The following NLRP3 variants were observed in gnomAD, a reference collection of about 807,000 sequenced individuals.
The protein encoded by NLRP3 is NLR family pyrin domain containing 3.
A neutral mutation model predicts 91.3 loss-of-function variants in NLRP3; 48 were observed. The observed-to-expected ratio is 0.53, with a 90% confidence interval of 0.42 to 0.67. NLRP3 has a LOEUF of 0.67. Among genes scored for constraint, NLRP3 ranks in the 30% least tolerant of loss-of-function variants. NLRP3 has a pLI of 0.00. For missense variants in NLRP3, 982 were observed against 1,276.9 expected, an observed-to-expected ratio of 0.77 and a Z score of 3.52; for synonymous variants, 561 against 507.9, an observed-to-expected ratio of 1.10 and a Z score of -1.41.
chr1:247,419,164 A>ATATATTT, intron 2 of NLRP3, 87 bp downstream of exon 2: 4 of 692,532 alleles, frequency 5.8e-6, no homozygotes, highest in Non-Finnish European at 7.4e-6. Context: ...ATATATATAT[A>ATATATTT]TTTTTTTTTG....
At chr1:247,434,006 G>C in intron 5 of NLRP3, 97 bp from the exon 6 acceptor site, 1 of 911,454 alleles carries the variant, frequency 1.1e-6, no homozygotes. Context: ...CTCTATTCCG[G>C]AGCTTCCTGA....
In NLRP3 at chr1:247,436,096, A is replaced by G; in HGVS notation, c.2619A>G (p.Leu873=). The G allele has an allele frequency of 1.2e-6, 2 of 1,614,164 alleles. No homozygotes were observed. Among genetic ancestry groups the G allele is most frequent in the Non-Finnish European group, 1.7e-6 (2 of 1,180,012 alleles). Residue 873 remains leucine (L), a synonymous_variant, in exon 7 of 10, where the codon TTA becomes TTG. Coordinates refer to ENST00000336119, the MANE Select transcript of NLRP3 (RefSeq NM_001243133.2). ...NALGDSGVAI[L]CEKAKNPQCN... is the part of the protein sequence containing the mutation. ...TGGGAGACTCAGGAGTCGCAATTTT[A>G]TGTGAAAAAGCCAAGAATCCACAGT...
chr1:247,437,861 T>A (rs969109633), intron 7 of NLRP3, among the ~76,000 whole-genome samples: 33 of 152,226 alleles, frequency 2.2e-4, no homozygotes, highest in Non-Finnish European at 4.4e-4. Context: ...CAGTGAAGCG[T>A]GGGATGGGCT....
intron 6 of NLRP3, 93 bp from the exon 7 acceptor site, chr1:247,435,877 T>C (rs1663754943): frequency 8.7e-7 from 1 of 1,154,182 alleles, no homozygotes. Context: ...ATGTGTAAAC[T>C]GGAGTAGAGG....
intron 4 of NLRP3, among the ~76,000 whole-genome samples, chr1:247,426,623 G>A (rs1662908665): frequency 6.6e-6 from 1 of 152,202 alleles, no homozygotes; most frequent in Non-Finnish European, 1.5e-5. Flanking sequence ...TGGCCATGAA[G>A]GACTGACTGC....
intron 5 of NLRP3, among the ~76,000 whole-genome samples, chr1:247,431,349 A>G (rs1455052956): frequency 6.6e-6 from 1 of 152,088 alleles, no homozygotes; most frequent in African/African-American, 2.4e-5. Context: ...GAGGAGCTGC[A>G]CAGCAAGTGT....
At chr1:247,417,357 T>C (rs952877842) in intron 1 of NLRP3, among the ~76,000 whole-genome samples, 1 of 152,178 alleles carries the variant, frequency 6.6e-6, no homozygotes, top group African/African-American at 2.4e-5. Flanking sequence ...GCAGGTTAGA[T>C]GGGGAAAAAC....
At position 247,429,647 on chromosome 1, in the gene NLRP3, G is replaced by A. The variant is rs779417998; in HGVS notation, c.2213G>A (p.Ser738Asn). 1 of 1,614,208 alleles carries A rather than the reference G, an allele frequency of 6.2e-7. No homozygotes were observed. The highest frequency in any genetic ancestry group is 2.2e-5 in the East Asian group (1 of 44,886). ...GGCCTCTTTTCAGTTCTGAGCACCA[G>A]CCAGAGTCTAACTGAATTGGACCTC... is the stretch of plus-strand genomic sequence containing the variant. The part of the protein sequence containing the change: ...CRGLFSVLST[S>N]QSLTELDLSD... Residue 738 changes from serine (S) to asparagine (N), a missense_variant, in exon 5 of 10, where the codon AGC becomes AAC. Coordinates refer to ENST00000336119, the MANE Select transcript of NLRP3 (RefSeq NM_001243133.2).
At chr1:247,428,466 T>C (rs1663064500) in intron 4 of NLRP3, among the ~76,000 whole-genome samples, 1 of 152,208 alleles carries the variant, frequency 6.6e-6, no homozygotes, top group Non-Finnish European at 1.5e-5. Flanking sequence ...CTACAGGTGA[T>C]TCAAAGGTGA....
Position 247,436,057 on chromosome 1 carries a change from G to A in NLRP3, c.2580G>A (p.Val860=). The change falls in exon 7 of 10, where the codon GTG becomes GTA. Residue 860 remains valine, a synonymous_variant. Coordinates refer to ENST00000336119, the MANE Select transcript of NLRP3 (RefSeq NM_001243133.2). ...STSHSLTRLY[V]GENALGDSGV... ...GCCATTCCCTGACCAGACTCTATGT[G>A]GGGGAGAATGCCTTGGGAGACTCAG... 4.3e-6 allele frequency: 7 copies of A among 1,614,146 alleles called. No homozygotes were observed. Among genetic ancestry groups the A allele is most frequent in the Non-Finnish European group, 5.9e-6 (7 of 1,179,990 alleles).
At chr1:247,417,881 T>C (rs1310921533) in intron 1 of NLRP3, among the ~76,000 whole-genome samples, 172 bp from the exon 2 acceptor site, 1 of 152,172 alleles carries the variant, frequency 6.6e-6, no homozygotes, top group African/African-American at 2.4e-5. Flanking sequence ...TTATGTTCTC[T>C]CTCCTCTCTC....
At chr1:247,448,361 G>A (rs1026327532) in intron 9 of NLRP3, 44 bp from the exon 10 acceptor site, 2 of 974,880 alleles carry the variant, frequency 2.1e-6, no homozygotes, top group African/African-American at 1.6e-5. Flanking sequence ...CTCTGACAGA[G>A]TTATCTGAAG....
In NLRP3 at chr1:247,436,091, A is replaced by G. The variant is rs1342822265; in HGVS notation, c.2614A>G (p.Ile872Val). ...TGCCTTGGGAGACTCAGGAGTCGCA[A>G]TTTTATGTGAAAAAGCCAAGAATCC... Reference protein sequence around the residue: ...ENALGDSGVAILCEKAKNPQC... With the variant: ...ENALGDSGVAVLCEKAKNPQC... Residue 872 changes from isoleucine to valine, a missense_variant, in exon 7 of 10, where the codon ATT (isoleucine) becomes GTT (valine). By Grantham distance (29) the Ile-to-Val change is conservative. Transcript: ENST00000336119. 1.2e-6 allele frequency: 2 copies of G among 1,614,046 alleles called. No individual in the cohort carries two copies. Among genetic ancestry groups the G allele is most frequent in the Admixed American group, 3.3e-5 (2 of 59,996 alleles).
rs1387489224 is a variant in NLRP3, at chr1:247,423,930, A to G, written c.481A>G (p.Ser161Gly). The G allele has an allele frequency of 1.2e-6, 2 of 1,614,054 alleles. No homozygotes were observed. The highest frequency in any genetic ancestry group is 1.7e-6 in the Non-Finnish European group (2 of 1,179,986). The change falls in exon 4 of 10, where the codon AGC becomes GGC. Residue 161 changes from serine (S) to glycine (G), a missense_variant. This residue lies in a region of NLRP3 where 548 missense variants were observed against 713.7 expected (regional missense o/e 0.77). Coordinates refer to ENST00000336119, the MANE Select transcript of NLRP3 (RefSeq NM_001243133.2). Reference sequence around the variant, plus strand: ...GAATGCCCGTCTGGGTGAGAGTGTGAGCCTCAACAAACGCTACACACGACT... The same window carrying G: ...GAATGCCCGTCTGGGTGAGAGTGTGGGCCTCAACAAACGCTACACACGACT... ...DRNARLGESV[S>G]LNKRYTRLRL... is the part of the protein sequence containing the mutation.
At position 247,424,669 on chromosome 1, in the gene NLRP3, G is replaced by T. The variant is rs774038756; in HGVS notation, c.1220G>T (p.Cys407Phe). The change falls in exon 4 of 10, where the codon TGC becomes TTC. Residue 407 changes from cysteine (C) to phenylalanine (F), a missense_variant. Physicochemically the swap from Cys to Phe is radical, Grantham distance 205 (BLOSUM62 -2). Transcript: ENST00000336119. This position sits in a 1 kb window ranked among gnomAD's most constrained non-coding sequence, Gnocchi z 8.1. ...IQENEVLFTM[C>F]FIPLVCWIVC... ...GAGAACGAGGTCCTCTTCACCATGT[G>T]CTTCATCCCCCTGGTCTGCTGGATC... 6.2e-7 allele frequency: 1 copy of T among 1,614,128 alleles called. No individual in the cohort carries two copies. The highest frequency in any genetic ancestry group is 8.5e-7 in the Non-Finnish European group (1 of 1,180,060).
Position 247,424,720 on chromosome 1 carries a change from T to C in NLRP3, c.1271T>C (p.Met424Thr). The part of the protein sequence containing the change: ...WIVCTGLKQQ[M>T]ESGKSLAQTS... ...GTGTGCACTGGACTGAAACAGCAGA[T>C]GGAGAGTGGCAAGAGCCTTGCCCAG... is the stretch of plus-strand genomic sequence containing the variant. The change falls in exon 4 of 10, where the codon ATG becomes ACG. Residue 424 changes from methionine to threonine, a missense_variant. Transcript: ENST00000336119. This position sits in a 1 kb window ranked among gnomAD's most constrained non-coding sequence, Gnocchi z 8.1. The C allele has an allele frequency of 6.2e-7, 1 of 1,614,124 alleles. No individual in the cohort carries two copies. The highest frequency in any genetic ancestry group is 8.5e-7 in the Non-Finnish European group (1 of 1,180,040).
At position 247,434,224 on chromosome 1, in the gene NLRP3, C is replaced by T; in HGVS notation, c.2443C>T (p.Leu815Phe). Residue 815 changes from leucine to phenylalanine, a missense_variant, in exon 6 of 10, where the codon CTT (leucine) becomes TTT (phenylalanine). Leu to Phe is a conservative substitution (Grantham distance 22, BLOSUM62 0). Around this residue, in one of 5 missense-constraint regions of NLRP3, gnomAD observed 373 missense variants for 431.5 expected, o/e 0.86. Coordinates refer to ENST00000336119, the MANE Select transcript of NLRP3 (RefSeq NM_001243133.2). ...DNALGDFGIRLLCVGLKHLLC... is the reference protein window; with the variant it reads ...DNALGDFGIRFLCVGLKHLLC... ...CGCCCTCGGTGACTTCGGAATCAGA[C>T]TTCTGTGTGTGGGACTGAAGCACCT... The T allele has an allele frequency of 6.2e-7, 1 of 1,614,252 alleles. No individual in the cohort carries two copies. Among genetic ancestry groups the T allele is most frequent in the Non-Finnish European group, 8.5e-7 (1 of 1,180,048 alleles).
chr1:247,417,591 C>T (rs895777184), intron 1 of NLRP3, among the ~76,000 whole-genome samples: 2 of 152,110 alleles, frequency 1.3e-5, no homozygotes, highest in African/African-American at 4.8e-5. Flanking sequence ...AAGCGATTCT[C>T]CTGCCTCAGC....
In NLRP3 at chr1:247,448,765, C is replaced by T. The variant is rs1572240800; in HGVS notation, c.*261C>T. 5.7e-6 allele frequency: 3 copies of T among 523,260 alleles called. No homozygotes were observed. Among genetic ancestry groups the T allele is most frequent in the East Asian group, 6.6e-5 (2 of 30,466 alleles). 32.4% of individuals were successfully genotyped at this position (523,260 alleles called of 1,614,324 possible). A position where few individuals can be genotyped will look rare whatever the true frequency, so the allele number is the denominator to read the frequency against. On this transcript the variant is annotated 3_prime_UTR_variant, in exon 10 of 10. Coordinates refer to ENST00000336119, the MANE Select transcript of NLRP3 (RefSeq NM_001243133.2). Reference sequence around the variant, plus strand: ...ACAGCGCCTCAGTTAGAGGATGTTCCTCTTGGTGACCTCATGTAATTAGCT... The same window carrying T: ...ACAGCGCCTCAGTTAGAGGATGTTCTTCTTGGTGACCTCATGTAATTAGCT...
Sources: allele counts gnomAD v4.1 joint callset (sites outside exome capture counted in the v4.1 genomes callset), GRCh38; gene constraint gnomAD v4.1.1; regional missense constraint gnomAD v4.1.1; non-coding constraint Gnocchi (gnomAD v3.1); transcripts MANE v1.5; gene names NCBI Gene and HGNC (gene_info 2026-07-23, HGNC 2026-07-21).